Variants in BRINP3 observed in about 807,000 individuals in gnomAD.
BRINP3 encodes the protein BMP/retinoic acid inducible neural specific 3.
In BRINP3, 19 loss-of-function variants were observed where a neutral mutation model predicts 71.0. The ratio of observed to expected loss-of-function variants is 0.27; its 90% CI spans 0.19 to 0.39. BRINP3 has a LOEUF of 0.39. BRINP3 is among the 10% of genes least tolerant of loss of function. BRINP3 has a pLI of 1.00. For missense variants in BRINP3, 959 were observed against 940.8 expected, an observed-to-expected ratio of 1.02 and a Z score of -0.25; for synonymous variants, 380 against 337.7, an observed-to-expected ratio of 1.13 and a Z score of -1.37.
intron 2 of BRINP3, among the ~76,000 whole-genome samples, chr1:190,322,956 TAC>T (rs1666342390): frequency 6.6e-6 from 1 of 152,018 alleles, no homozygotes; most frequent in African/African-American, 2.4e-5. Flanking sequence ...CTCACATTTT[TAC>T]ACATTCAAAG....
At chr1:190,306,452 T>C (rs1160622135) in intron 2 of BRINP3, among the ~76,000 whole-genome samples, 1 of 151,868 alleles carries the variant, frequency 6.6e-6, no homozygotes, top group African/African-American at 2.4e-5. Context: ...AAAATAAAAC[T>C]ATATATTTTT....
chr1:190,331,299 G>A (rs1666947477), intron 2 of BRINP3, among the ~76,000 whole-genome samples: 1 of 151,944 alleles, frequency 6.6e-6, no homozygotes, highest in South Asian at 2.1e-4. Context: ...GTTGAACAAT[G>A]TATGTACCCA....
At chr1:190,132,983 G>A (rs990920634) in intron 7 of BRINP3, among the ~76,000 whole-genome samples, 1 of 152,044 alleles carries the variant, frequency 6.6e-6, no homozygotes, top group African/African-American at 2.4e-5. Flanking sequence ...ATGCTAGTGA[G>A]CCATCTTGGA....
Position 190,264,866 on chromosome 1 carries a change from T to C in BRINP3, c.617A>G (p.Lys206Arg), listed in dbSNP as rs1202811377. 1 of 1,612,934 alleles carries C rather than the reference T, an allele frequency of 6.2e-7. No individual in the cohort carries two copies. Among genetic ancestry groups the C allele is most frequent in the South Asian group, 1.1e-5 (1 of 90,992 alleles). The change falls in exon 4 of 8, where the codon AAG (lysine) becomes AGG (arginine). Residue 206 changes from lysine to arginine, a missense_variant and splice_region_variant. Coordinates refer to ENST00000367462, the MANE Select transcript of BRINP3 (RefSeq NM_199051.3). Reference sequence around the variant, plus strand: ...ATTTTAGCGTAAACTCATTCTTACCTTTATGGCAGTGGATGCAATTTGAAT... The same window carrying C: ...ATTTTAGCGTAAACTCATTCTTACCCTTATGGCAGTGGATGCAATTTGAAT... ...HHIQIASTAI[K>R]VTETRTGPLG...
chr1:190,317,373 T>C (rs1260814801), intron 2 of BRINP3, among the ~76,000 whole-genome samples: 1 of 152,044 alleles, frequency 6.6e-6, no homozygotes, highest in African/African-American at 2.4e-5. Flanking sequence ...AATGGCCTTG[T>C]CTTCAATTTC....
chr1:190,258,436 A>T (rs1270217180), intron 4 of BRINP3, among the ~76,000 whole-genome samples: 1 of 152,238 alleles, frequency 6.6e-6, no homozygotes, highest in African/African-American at 2.4e-5. Flanking sequence ...AAACAACAAA[A>T]TACAGAAAAT....
chr1:190,235,261 A>AT (rs1397432623), intron 4 of BRINP3, among the ~76,000 whole-genome samples: 2 of 152,020 alleles, frequency 1.3e-5, no homozygotes, highest in Non-Finnish European at 2.9e-5. Context: ...ATGTGGACTG[A>AT]TTTTTTCATG....
At chr1:190,164,214 T>C (rs2102470894) in intron 6 of BRINP3, among the ~76,000 whole-genome samples, 1 of 152,182 alleles carries the variant, frequency 6.6e-6, no homozygotes, top group East Asian at 1.9e-4. Flanking sequence ...GAACCTCTAT[T>C]CAGAACTGCT....
chr1:190,138,991 G>A (rs1476514287), intron 7 of BRINP3, among the ~76,000 whole-genome samples: 2 of 152,086 alleles, frequency 1.3e-5, no homozygotes, highest in Non-Finnish European at 2.9e-5. Context: ...CCCAAGAAAG[G>A]AGAGAAAAAG....
intron 2 of BRINP3, among the ~76,000 whole-genome samples, chr1:190,325,612 A>G (rs12047392): frequency 1.3e-5 from 2 of 152,174 alleles, no homozygotes; most frequent in East Asian, 3.9e-4. Context: ...GAAAGCCTGG[A>G]CCACTCGATA....
At chr1:190,394,045 A>G (rs1671420506) in intron 2 of BRINP3, among the ~76,000 whole-genome samples, 1 of 151,658 alleles carries the variant, frequency 6.6e-6, no homozygotes, top group South Asian at 2.1e-4. Flanking sequence ...TAGAAAATAT[A>G]TAATGTCAAC....
chr1:190,134,234 T>C (rs1654785415), intron 7 of BRINP3, among the ~76,000 whole-genome samples: 4 of 152,046 alleles, frequency 2.6e-5, no homozygotes, highest in Non-Finnish European at 5.9e-5. Flanking sequence ...AGCCAAATGA[T>C]TAGAATTAGT....
intron 1 of BRINP3, among the ~76,000 whole-genome samples, chr1:190,461,439 C>T (rs1676393596): frequency 6.6e-6 from 1 of 152,080 alleles, no homozygotes; most frequent in Non-Finnish European, 1.5e-5. Context: ...TTTTTTTATG[C>T]TCCCATTACT....
chr1:190,255,126 C>A (rs1660538300), intron 4 of BRINP3, among the ~76,000 whole-genome samples: 1 of 151,504 alleles, frequency 6.6e-6, no homozygotes, highest in Non-Finnish European at 1.5e-5. Flanking sequence ...GTGAAGCTGA[C>A]TTGATTATAG....
intron 6 of BRINP3, among the ~76,000 whole-genome samples, chr1:190,186,963 T>C (rs1653583370): frequency 1.3e-5 from 2 of 152,176 alleles, no homozygotes; most frequent in Non-Finnish European, 2.9e-5. Context: ...ATCTTCCTTT[T>C]ACAAATAATT....
intron 6 of BRINP3, among the ~76,000 whole-genome samples, chr1:190,211,356 C>A (rs1203923210): frequency 2.6e-5 from 4 of 151,910 alleles, no homozygotes; most frequent in African/African-American, 9.7e-5. Flanking sequence ...CTGGATAATA[C>A]AGGTAGTATT....
chr1:190,329,704 C>A (rs1188671737), intron 2 of BRINP3, among the ~76,000 whole-genome samples: 2 of 151,832 alleles, frequency 1.3e-5, no homozygotes, highest in Admixed American at 6.6e-5. Context: ...CAACCCTGAG[C>A]ACAAAGAACA....
In BRINP3 at chr1:190,421,437, T is replaced by G. The variant is rs1010503787; in HGVS notation, c.236+33218A>C. Among the ~76,000 whole-genome samples, 3 of 151,182 alleles carry G rather than the reference T, an allele frequency of 2.0e-5. No homozygotes were observed. In the Admixed American group the frequency reaches 2.0e-4, roughly 10 times the overall value. On this transcript the variant is annotated intron_variant, in intron 2 of 7. Coordinates refer to ENST00000367462, the MANE Select transcript of BRINP3 (RefSeq NM_199051.3). ...TGAAGATGCAATGTTTTAAAAGTCA[T>G]ACTAAAAATGGATCTACATGTTATT...
At chr1:190,428,134 T>C (rs1673846001) in intron 2 of BRINP3, among the ~76,000 whole-genome samples, 1 of 151,960 alleles carries the variant, frequency 6.6e-6, no homozygotes, top group Non-Finnish European at 1.5e-5. Flanking sequence ...AACATAAGAA[T>C]AGTTTTTTGG....
Sources: allele counts gnomAD v4.1 joint callset (sites outside exome capture counted in the v4.1 genomes callset), GRCh38; gene constraint gnomAD v4.1.1; transcripts MANE v1.5; gene names NCBI Gene and HGNC (gene_info 2026-07-23, HGNC 2026-07-21).